UGT2B7: variants seen among roughly 807,000 people sequenced by gnomAD.
The protein encoded by UGT2B7 is UDP-glucuronosyltransferase 2B7.
A neutral mutation model predicts 51.9 loss-of-function variants in UGT2B7; 51 were observed. The observed-to-expected ratio is 0.98, with a 90% confidence interval of 0.78 to 1.24. The LOEUF is 1.24. Ranked by LOEUF, UGT2B7 falls within the 50% of genes most tolerant of loss-of-function variation. The pLI, the probability that UGT2B7 is intolerant of heterozygous loss-of-function variation, is 0.00. For synonymous variants in UGT2B7, 225 were observed against 211.6 expected (o/e 1.06, Z -0.55); for missense variants, 727 against 628.4 (o/e 1.16, Z -1.68).
At chr4:69,110,680 ATGC>A (rs369256677) in intron 5 of UGT2B7, among the ~76,000 whole-genome samples, 58 of 152,278 alleles carry the variant, frequency 3.8e-4, no homozygotes, top group African/African-American at 1.3e-3. Context: ...AAACTAATGT[ATGC>A]TATTCGAAGT....
intron 1 of UGT2B7, among the ~76,000 whole-genome samples, chr4:69,075,947 A>G (rs1475283011): frequency 6.6e-6 from 1 of 151,176 alleles, no homozygotes. Context: ...TCCCCATAAC[A>G]GGCCCCACTG....
chr4:69,063,102 G>T (rs6834855), intron 1 of UGT2B7, among the ~76,000 whole-genome samples: 1 of 151,482 alleles, frequency 6.6e-6, no homozygotes, highest in Non-Finnish European at 1.5e-5. Context: ...GGCGGATCAC[G>T]AGGTCAGGAG....
chr4:69,084,018 C>T (rs1718893962), intron 1 of UGT2B7, among the ~76,000 whole-genome samples: 1 of 152,006 alleles, frequency 6.6e-6, no homozygotes, highest in Admixed American at 6.6e-5. Context: ...GTGCATTTGT[C>T]ATATATGGCC....
At chr4:69,079,290 A>G (rs991073076) in intron 1 of UGT2B7, among the ~76,000 whole-genome samples, 5 of 152,186 alleles carry the variant, frequency 3.3e-5, no homozygotes, top group African/African-American at 9.7e-5. Context: ...TGATAGCAAT[A>G]CAAGTTGATT....
chr4:69,064,112 A>AGAGAGAGAGAAAGAAAGAAAG (rs1718433031), intron 1 of UGT2B7, among the ~76,000 whole-genome samples: 1 of 86,800 alleles, frequency 1.2e-5, no homozygotes, highest in Non-Finnish European at 2.2e-5. Flanking sequence ...GAAAGAAAGA[A>AGAGAGAGAGAAAGAAAGAAAG]AAAGAAAGAA....
chr4:69,063,221 A>G (rs956134562), intron 1 of UGT2B7, among the ~76,000 whole-genome samples: 1 of 145,988 alleles, frequency 6.8e-6, no homozygotes, highest in Non-Finnish European at 1.5e-5. Flanking sequence ...TGGGAGGCTG[A>G]GGCAGGAGAA....
intron 2 of UGT2B7, among the ~76,000 whole-genome samples, chr4:69,091,379 T>A (rs891703199): frequency 6.6e-6 from 1 of 150,740 alleles, no homozygotes; most frequent in Admixed American, 6.8e-5. Flanking sequence ...TTGTGTGAAT[T>A]AGAAACTTTA....
At chr4:69,063,318 C>CAAAAAAAAAAAA (rs556109411) in intron 1 of UGT2B7, among the ~76,000 whole-genome samples, 28 of 23,760 alleles carry the variant, frequency 1.2e-3, no homozygotes, top group Admixed American at 2.3e-3. Context: ...GACTCCGTCT[C>CAAAAAAAAAAAA]AAAAAAAAAA....
At chr4:69,091,853 C>T (rs188538023), upstream of UGT2B7, among the ~76,000 whole-genome samples, 11 of 152,272 alleles carry the variant, frequency 7.2e-5, no homozygotes, top group Non-Finnish European at 1.3e-4. Flanking sequence ...AAGAAGCCTT[C>T]TTCATTGAAC....
Position 69,097,006 on chromosome 4 carries a change from G to A in UGT2B7, c.486G>A (p.Glu162=), listed in dbSNP as rs1372225327. The change falls in exon 1 of 6, where the codon GAG becomes GAA. Residue 162 remains glutamate (E), a synonymous_variant. Transcript: ENST00000305231. ...TTCCCTGTAGTGAGCTGCTGGCTGAGCTATTTAACATACCCTTTGTGTACA... is the reference window on the plus strand; with the variant it reads ...TTCCCTGTAGTGAGCTGCTGGCTGAACTATTTAACATACCCTTTGTGTACA... ...AIFPCSELLA[E]LFNIPFVYSL... is the part of the protein sequence containing the mutation. 1.6e-5 allele frequency: 26 copies of A among 1,613,806 alleles called. No individual in the cohort carries two copies. Among genetic ancestry groups the A allele is most frequent in the Non-Finnish European group, 2.2e-5 (26 of 1,179,794 alleles).
intron 5 of UGT2B7, among the ~76,000 whole-genome samples, chr4:69,110,955 A>AAAATAAGCAC (rs1374037651): frequency 1.4e-4 from 21 of 152,286 alleles, no homozygotes; most frequent in African/African-American, 4.8e-4. Flanking sequence ...CTCAAATAGC[A>AAAATAAGCAC]AAATAAGCAC....
chr4:69,099,705 T>C lies in UGT2B7; in HGVS notation c.870+1017T>C, dbSNP rs113155429. On this transcript the variant is annotated intron_variant, in intron 2 of 5. Transcript: ENST00000305231. Reference sequence around the variant, plus strand: ...TAAAGTGTCTCTGGAATATAGTCAGTGACTCAGAAATATTATTAATTTTGC... The same window carrying C: ...TAAAGTGTCTCTGGAATATAGTCAGCGACTCAGAAATATTATTAATTTTGC... 5.7e-3 allele frequency among the ~76,000 whole-genome samples: 862 copies of C among 152,220 alleles called. 5 individuals carry two copies. Among genetic ancestry groups the C allele is most frequent in the African/African-American group, 0.02 (834 of 41,570 alleles).
At chr4:69,062,639 C>T (rs28821804) in intron 1 of UGT2B7, among the ~76,000 whole-genome samples, 4,863 of 152,118 alleles carry the variant, frequency 0.032, 103 homozygotes, top group Middle Eastern at 0.11. Context: ...CCATCTGACC[C>T]GAATGATCCT....
At chr4:69,093,328 T>A (rs1485248196), upstream of UGT2B7, among the ~76,000 whole-genome samples, 1 of 152,162 alleles carries the variant, frequency 6.6e-6, no homozygotes, top group East Asian at 1.9e-4. Flanking sequence ...ACAGCTAAGT[T>A]GCACAAACAG....
At chr4:69,099,453 AAAAG>A (rs1335569145) in intron 2 of UGT2B7, among the ~76,000 whole-genome samples, 2 of 151,968 alleles carry the variant, frequency 1.3e-5, no homozygotes, top group African/African-American at 4.8e-5. Flanking sequence ...AAAATATATG[AAAAG>A]ATTCTCTTTT....
In UGT2B7 at chr4:69,105,121, T is replaced by C. The variant is rs535503197; in HGVS notation, c.1003-2054T>C. Reference sequence around the variant, plus strand: ...TGCCCTGAAGGTGGACCCTGTGCAGTATAAAATGTGGCCCCACAAGGACTC... The same window carrying C: ...TGCCCTGAAGGTGGACCCTGTGCAGCATAAAATGTGGCCCCACAAGGACTC... On this transcript the variant is annotated intron_variant, in intron 3 of 5. Transcript: ENST00000305231. Among the ~76,000 whole-genome samples, 5 of 152,194 alleles carry C rather than the reference T, an allele frequency of 3.3e-5. No homozygotes were observed. The East Asian group carries it at 9.7e-4, about 29-fold the overall frequency.
intron 2 of UGT2B7, among the ~76,000 whole-genome samples, chr4:69,091,405 T>A (rs1483274865): frequency 6.6e-6 from 1 of 152,118 alleles, no homozygotes; most frequent in Non-Finnish European, 1.5e-5. Context: ...TTTGTTTTTT[T>A]TTTCTGTCAT....
At chr4:69,104,369 T>A (rs1438980573) in intron 3 of UGT2B7, among the ~76,000 whole-genome samples, 1 of 152,180 alleles carries the variant, frequency 6.6e-6, no homozygotes, top group Non-Finnish European at 1.5e-5. Context: ...ATATTGCTAA[T>A]GTATTTTACT....
intron 2 of UGT2B7, among the ~76,000 whole-genome samples, chr4:69,090,733 G>T (rs534327115): frequency 1.3e-5 from 2 of 152,116 alleles, no homozygotes; most frequent in East Asian, 3.9e-4. Flanking sequence ...CATTATGATC[G>T]CCTGTTTTGG....
Sources: allele counts gnomAD v4.1 joint callset (sites outside exome capture counted in the v4.1 genomes callset), GRCh38; gene constraint gnomAD v4.1.1; transcripts MANE v1.5; gene names NCBI Gene and HGNC (gene_info 2026-07-23, HGNC 2026-07-21).